Variants in INSIG2 observed in about 807,000 individuals in gnomAD.
INSIG2 encodes insulin-induced gene 2 protein.
In INSIG2, 10 loss-of-function variants were observed where a neutral mutation model predicts 27.2. The observed-to-expected ratio is 0.37, with a 90% CI of 0.23 to 0.62. The LOEUF is 0.62. INSIG2 is among the 20% of genes least tolerant of loss of function. INSIG2 has a pLI of 0.65. For synonymous variants in INSIG2, 97 were observed against 95.8 expected (o/e 1.01, Z -0.07); for missense variants, 178 against 270.2 (o/e 0.66, Z 2.39).
intron 1 of INSIG2, 110 bp from the exon 2 acceptor site, chr2:118,096,308 AG>A: frequency 2.6e-6 from 1 of 380,572 alleles, no homozygotes; most frequent in East Asian, 4.6e-5. Context: ...TTAGTATACA[AG>A]CTTGTCATTT....
chr2:118,097,048 C>T (rs1410324340), intron 2 of INSIG2, among the ~76,000 whole-genome samples: 4 of 152,156 alleles, frequency 2.6e-5, no homozygotes, highest in Admixed American at 1.3e-4. Flanking sequence ...TGTCCTCTTG[C>T]AGTCCATTCC....
At chr2:118,088,787 G>T (rs1286767949) in intron 1 of INSIG2, 1 of 152,934 alleles carries the variant, frequency 6.5e-6, no homozygotes, top group Non-Finnish European at 1.5e-5. Flanking sequence ...AGGGGTCGAG[G>T]CTCCCCGGAC....
At chr2:118,094,971 C>A (rs560399672) in intron 1 of INSIG2, among the ~76,000 whole-genome samples, 1 of 152,070 alleles carries the variant, frequency 6.6e-6, no homozygotes, top group African/African-American at 2.4e-5. Context: ...AAGAGTTAAC[C>A]CAATTTAATT....
chr2:118,099,005 T>TA (rs1257119414), intron 2 of INSIG2, among the ~76,000 whole-genome samples: 1 of 152,216 alleles, frequency 6.6e-6, no homozygotes, highest in Admixed American at 6.5e-5. Flanking sequence ...GAGTGAAAGA[T>TA]ATCAGATTTG....
intron 3 of INSIG2, among the ~76,000 whole-genome samples, chr2:118,105,217 A>G (rs1402776020): frequency 6.7e-6 from 1 of 150,166 alleles, no homozygotes; most frequent in Non-Finnish European, 1.5e-5. Context: ...ATTTTTCTGT[A>G]TTTTTAGTAG....
Position 118,107,137 on chromosome 2 carries a change from T to C in INSIG2, c.584T>C (p.Ile195Thr), listed in dbSNP as rs1678692608. ...FLYVRSWLPC[I>T]FFAGGITMGN... is the part of the protein sequence containing the mutation. ...TATGTTCGTTCTTGGTTACCATGTA[T>C]ATTTTTTGCTGGAGGCATAACAATG... The change falls in exon 5 of 6, where the codon ATA (isoleucine) becomes ACA (threonine). Residue 195 changes from isoleucine to threonine, a missense_variant. Physicochemically the swap from Ile to Thr is moderately conservative, Grantham distance 89 (BLOSUM62 -1). Transcript: ENST00000245787. 1 of 1,613,600 alleles carries C rather than the reference T, an allele frequency of 6.2e-7. No individual in the cohort carries two copies.
chr2:118,099,360 C>T (rs918037315), intron 2 of INSIG2, among the ~76,000 whole-genome samples: 1 of 152,164 alleles, frequency 6.6e-6, no homozygotes, highest in African/African-American at 2.4e-5. Context: ...TTATTTGCCA[C>T]CTTTCTCTAT....
At chr2:118,088,962 A>C (rs1250619350) in intron 1 of INSIG2, among the ~76,000 whole-genome samples, 1 of 152,196 alleles carries the variant, frequency 6.6e-6, no homozygotes, top group Non-Finnish European at 1.5e-5. Flanking sequence ...ATTGGATCCA[A>C]AGAAGACAGG....
intron 1 of INSIG2, among the ~76,000 whole-genome samples, chr2:118,091,570 A>C (rs192397555): frequency 9.9e-5 from 15 of 152,268 alleles, no homozygotes; most frequent in African/African-American, 3.6e-4. Flanking sequence ...TTTGTTTCGC[A>C]TGGGGGTCTC....
chr2:118,095,384 G>T (rs1216967977), intron 1 of INSIG2, among the ~76,000 whole-genome samples: 1 of 152,200 alleles, frequency 6.6e-6, no homozygotes, highest in East Asian at 1.9e-4. Flanking sequence ...TTGAATCCCA[G>T]CTTGGCCTCT....
chr2:118,103,410 T>C lies in INSIG2; in HGVS notation c.369+89T>C, dbSNP rs1573575904. ...ACAGCCCCTTACAACTTCACTGTTGTCAAATTATGATATGCCCACTTAGTC... is the reference window on the plus strand; with the variant it reads ...ACAGCCCCTTACAACTTCACTGTTGCCAAATTATGATATGCCCACTTAGTC... On this transcript the variant is annotated intron_variant, in intron 3 of 5. Coordinates refer to ENST00000245787, the MANE Select transcript of INSIG2 (RefSeq NM_016133.4). 5.1e-6 allele frequency: 6 copies of C among 1,167,032 alleles called. No homozygotes were observed. In the East Asian group the frequency reaches 1.4e-4, roughly 28 times the overall value. The allele number at this position is 1,167,032 out of a possible 1,614,324, so 72.3% of individuals were successfully genotyped here. A position where few individuals can be genotyped will look rare whatever the true frequency, so the allele number is the denominator to read the frequency against.
chr2:118,106,267 C>A (rs543320327), intron 3 of INSIG2, among the ~76,000 whole-genome samples: 1 of 152,196 alleles, frequency 6.6e-6, no homozygotes, highest in East Asian at 1.9e-4. Flanking sequence ...TGTTAAATAG[C>A]TGTCAACTCT....
rs574500947 is a variant in INSIG2, at chr2:118,109,690, C to G, written c.*1368C>G. 2 of 151,634 alleles carry G rather than the reference C, an allele frequency of 1.3e-5. No homozygotes were observed. The highest frequency in any genetic ancestry group is 6.7e-5 in the Admixed American group (1 of 15,028). 9.4% of individuals were successfully genotyped at this position (151,634 alleles called of 1,614,324 possible). A position where few individuals can be genotyped will look rare whatever the true frequency, so the allele number is the denominator to read the frequency against. The stretch of plus-strand genomic sequence containing the variant: ...CTAGAATGTCAAGTAGATATTTTTA[C>G]ACTTTGAGTTTTAAAGCAATTACTA... On this transcript the variant is annotated 3_prime_UTR_variant, in exon 6 of 6. Coordinates refer to ENST00000245787, the MANE Select transcript of INSIG2 (RefSeq NM_016133.4).
Position 118,096,727 on chromosome 2 carries a change from C to T in INSIG2, c.171C>T (p.Leu57=), listed in dbSNP as rs138954785. The part of the protein sequence containing the change: ...NLLQIQRNVT[L]FPPDVIASIF... ...TTCAGATTCAGAGAAATGTGACGCT[C>T]TTTCCACCTGATGTGATTGCAAGCA... Residue 57 remains leucine (L), a synonymous_variant, in exon 2 of 6, where the codon CTC becomes CTT. Transcript: ENST00000245787. The T allele has an allele frequency of 1.9e-6, 3 of 1,614,036 alleles. No individual in the cohort carries two copies. Among genetic ancestry groups the T allele is most frequent in the Non-Finnish European group, 1.7e-6 (2 of 1,179,950 alleles).
intron 2 of INSIG2, among the ~76,000 whole-genome samples, chr2:118,100,470 C>G (rs1325042411): frequency 6.6e-6 from 1 of 150,420 alleles, no homozygotes; most frequent in East Asian, 2.0e-4. Context: ...CCTCCACCTC[C>G]CAGCTTCAAG....
chr2:118,103,433 G>A lies in INSIG2; in HGVS notation c.369+112G>A, dbSNP rs536113721. ...TGTCAAATTATGATATGCCCACTTA[G>A]TCAGAAGAAGAATGTCAACCATATT... On this transcript the variant is annotated intron_variant, in intron 3 of 5. Coordinates refer to ENST00000245787, the MANE Select transcript of INSIG2 (RefSeq NM_016133.4). The A allele has an allele frequency of 8.8e-5, 75 of 853,310 alleles. 2 individuals carry two copies. In the South Asian group the frequency reaches 1.6e-3, roughly 18 times the overall value. The allele number at this position is 853,310 out of a possible 1,614,324, so 52.9% of individuals were successfully genotyped here. A position where few individuals can be genotyped will look rare whatever the true frequency, so the allele number is the denominator to read the frequency against.
At position 118,096,531 on chromosome 2, in the gene INSIG2, T is replaced by TA. The variant is rs397947548; in HGVS notation, c.-24dup. 4 of 1,567,736 alleles carry TA rather than the reference T, an allele frequency of 2.6e-6. No individual in the cohort carries two copies. Among genetic ancestry groups the TA allele is most frequent in the South Asian group, 2.4e-5 (2 of 83,718 alleles). On this transcript the variant is annotated 5_prime_UTR_variant, in exon 2 of 6. Transcript: ENST00000245787. ...GGAAGCCTTTCCATTTTTTTTTTTT[T>TA]AACGGCTTTCTGAACCTATGAAACC...
chr2:118,089,983 A>G (rs1455636722), intron 1 of INSIG2, among the ~76,000 whole-genome samples: 1 of 152,218 alleles, frequency 6.6e-6, no homozygotes, highest in Non-Finnish European at 1.5e-5. Flanking sequence ...TGCAGTGTTT[A>G]TAAGGCAAAT....
chr2:118,110,727 A>G lies in INSIG2; in HGVS notation c.*2405A>G, dbSNP rs1678791903. 6.6e-6 allele frequency: 1 copy of G among 152,196 alleles called. No homozygotes were observed. The highest frequency in any genetic ancestry group is 1.5e-5 in the Non-Finnish European group (1 of 68,030). 9.4% of individuals were successfully genotyped at this position (152,196 alleles called of 1,614,324 possible). On this transcript the variant is annotated 3_prime_UTR_variant, in exon 6 of 6. Coordinates refer to ENST00000245787, the MANE Select transcript of INSIG2 (RefSeq NM_016133.4). ...ATGGGAAACATTTTTTAACATTGCTAGATTGGCAGTGCTTTCTTTTATTAT... is the reference window on the plus strand; with the variant it reads ...ATGGGAAACATTTTTTAACATTGCTGGATTGGCAGTGCTTTCTTTTATTAT...
Sources: gnomAD v4.1 joint callset for allele counts (sites outside exome capture counted in the v4.1 genomes callset) on GRCh38, gnomAD v4.1.1 for gene constraint, MANE v1.5 for transcripts, NCBI Gene and HGNC (gene_info 2026-07-23, HGNC 2026-07-21) for gene names.